The following ADGRB3 variants were observed in gnomAD, a reference collection of about 807,000 sequenced individuals.
The protein encoded by ADGRB3 is brain-specific angiogenesis inhibitor 3.
ADGRB3 carries 37 observed loss-of-function variants against 193.4 expected under a neutral mutation model. That is an observed-to-expected ratio of 0.19 (90% confidence interval 0.15 to 0.25). ADGRB3 has a LOEUF of 0.25. Ranked by LOEUF, ADGRB3 falls within the 10% of genes least tolerant of loss-of-function variation. The pLI, the probability that ADGRB3 is intolerant of heterozygous loss-of-function variation, is 1.00. For synonymous variants in ADGRB3, 690 were observed against 644.2 expected, an observed-to-expected ratio of 1.07 and a Z score of -1.08; for missense variants, 1,637 against 1,852.9, an observed-to-expected ratio of 0.88 and a Z score of 2.14.
At chr6:68,700,611 A>C (rs1561998709) in intron 3 of ADGRB3, among the ~76,000 whole-genome samples, 1 of 151,868 alleles carries the variant, frequency 6.6e-6, no homozygotes, top group Admixed American at 6.6e-5. Flanking sequence ...ACAAATAGAA[A>C]CCCCTTTACA....
At chr6:69,121,872 C>G (rs944883608) in intron 17 of ADGRB3, among the ~76,000 whole-genome samples, 1 of 151,262 alleles carries the variant, frequency 6.6e-6, no homozygotes, top group Non-Finnish European at 1.5e-5. Flanking sequence ...GGCGGCCAGG[C>G]AGAGGCGCTC....
At chr6:68,936,842 A>T (rs574778268) in intron 5 of ADGRB3, among the ~76,000 whole-genome samples, 162 bp downstream of exon 5, 1 of 152,320 alleles carries the variant, frequency 6.6e-6, no homozygotes, top group African/African-American at 2.4e-5. Flanking sequence ...GTCTGTGATT[A>T]TTTCTGCTTT....
At position 69,128,491 on chromosome 6, in the gene ADGRB3, T is replaced by C. The variant is rs62406786; in HGVS notation, c.2480+52453T>C. Among the ~76,000 whole-genome samples the C allele has an allele frequency of 3.1e-3, 467 of 152,264 alleles. 3 individuals are homozygous for C. Among genetic ancestry groups the C allele is most frequent in the Middle Eastern group, 6.8e-3 (2 of 294 alleles). Reference sequence around the variant, plus strand: ...TTCTCTGCCTGTAATACATAGTAACTGTAATCATAGCCTTTCTACTGAGGT... The same window carrying C: ...TTCTCTGCCTGTAATACATAGTAACCGTAATCATAGCCTTTCTACTGAGGT... On this transcript the variant is annotated intron_variant, in intron 17 of 31. Transcript: ENST00000370598.
intron 3 of ADGRB3, among the ~76,000 whole-genome samples, chr6:68,719,738 T>C (rs1336941606): frequency 1.3e-5 from 2 of 151,704 alleles, no homozygotes; most frequent in African/African-American, 2.4e-5. Flanking sequence ...AAAAACCTTT[T>C]TTTTAGTGGT....
chr6:69,278,295 G>T lies in ADGRB3; in HGVS notation c.2814+39069G>T, dbSNP rs568522546. Among the ~76,000 whole-genome samples the T allele has an allele frequency of 5.6e-4, 85 of 152,280 alleles. 1 individual carries two copies. The highest frequency in any genetic ancestry group is 2.0e-3 in the African/African-American group (82 of 41,566). On this transcript the variant is annotated intron_variant, in intron 20 of 31. Transcript: ENST00000370598. ...GATCGTTGTTTTCATGAGAAAGCAA[G>T]AAACACTTTGCCATAACTTCATCCT...
intron 3 of ADGRB3, among the ~76,000 whole-genome samples, chr6:68,855,445 C>G (rs1764956005): frequency 6.9e-6 from 1 of 145,026 alleles, no homozygotes; most frequent in Non-Finnish European, 1.5e-5. Context: ...TTAATGTAAT[C>G]ATGTGTTGAC....
At chr6:68,857,013 G>C (rs1294047332) in intron 3 of ADGRB3, among the ~76,000 whole-genome samples, 1 of 152,184 alleles carries the variant, frequency 6.6e-6, no homozygotes, top group East Asian at 1.9e-4. Context: ...GAAGTCCAAG[G>C]TATTGGCAGC....
At chr6:69,355,885 C>A (rs1214188228) in intron 28 of ADGRB3, 25 bp downstream of exon 28, 1 of 1,562,018 alleles carries the variant, frequency 6.4e-7, no homozygotes, top group Admixed American at 1.7e-5. Context: ...ATTTTGAAAT[C>A]TAATCAGTAG....
chr6:68,822,246 G>C (rs1285121896), intron 3 of ADGRB3, among the ~76,000 whole-genome samples: 3 of 151,912 alleles, frequency 2.0e-5, no homozygotes, highest in Non-Finnish European at 4.4e-5. Flanking sequence ...AGCTTTTTAT[G>C]TAGGCAATCC....
chr6:69,087,441 G>A (rs1772582557), intron 17 of ADGRB3, among the ~76,000 whole-genome samples: 1 of 152,002 alleles, frequency 6.6e-6, no homozygotes. Flanking sequence ...TGAGGGAGGG[G>A]GACATCTAAG....
intron 17 of ADGRB3, among the ~76,000 whole-genome samples, chr6:69,110,665 G>T (rs1325011750): frequency 6.6e-6 from 1 of 152,090 alleles, no homozygotes; most frequent in African/African-American, 2.4e-5. Flanking sequence ...ATTAACAATA[G>T]TTTAAAAACT....
At chr6:69,081,913 C>T (rs1772397781) in intron 17 of ADGRB3, among the ~76,000 whole-genome samples, 1 of 152,084 alleles carries the variant, frequency 6.6e-6, no homozygotes, top group African/African-American at 2.4e-5. Flanking sequence ...CACAAATTCT[C>T]TGGTCTAACA....
intron 3 of ADGRB3, among the ~76,000 whole-genome samples, chr6:68,711,216 C>A (rs1238813290): frequency 6.6e-6 from 1 of 152,004 alleles, no homozygotes; most frequent in African/African-American, 2.4e-5. Flanking sequence ...CTACCAAGAG[C>A]GTGACCTGCT....
At chr6:69,103,905 A>G (rs2150322781) in intron 17 of ADGRB3, among the ~76,000 whole-genome samples, 1 of 152,146 alleles carries the variant, frequency 6.6e-6, no homozygotes, top group East Asian at 1.9e-4. Flanking sequence ...GATCCTTCCT[A>G]TCATTCAAGG....
chr6:68,678,710 G>T (rs1764820791), intron 3 of ADGRB3, among the ~76,000 whole-genome samples: 1 of 152,162 alleles, frequency 6.6e-6, no homozygotes. Flanking sequence ...TTGTGTGTGT[G>T]TGTGTGTGAA....
At chr6:68,716,108 A>G (rs906247498) in intron 3 of ADGRB3, among the ~76,000 whole-genome samples, 44 of 151,774 alleles carry the variant, frequency 2.9e-4, no homozygotes, top group Admixed American at 2.9e-3. Context: ...GGTTATACAA[A>G]TCATAATTGG....
At chr6:68,815,803 TA>T (rs1767622631) in intron 3 of ADGRB3, among the ~76,000 whole-genome samples, 1 of 152,298 alleles carries the variant, frequency 6.6e-6, no homozygotes, top group South Asian at 2.1e-4. Flanking sequence ...ATAATTTTAA[TA>T]TTTGCATTGC....
At chr6:69,258,878 A>T (rs1397853333) in intron 20 of ADGRB3, among the ~76,000 whole-genome samples, 1 of 152,162 alleles carries the variant, frequency 6.6e-6, no homozygotes, top group Non-Finnish European at 1.5e-5. Flanking sequence ...GGCGATTCTG[A>T]TAGACATCTC....
Position 68,638,696 on chromosome 6 carries a change from G to A in ADGRB3, c.21G>A (p.Leu7=), listed in dbSNP as rs189631172. The change falls in exon 3 of 32, where the codon CTG becomes CTA. Residue 7 remains leucine (L), a synonymous_variant. Transcript: ENST00000370598. MKAVRN[L]LIYIFSTYLL... ...ATAGGATGAAGGCTGTTCGTAACCT[G>A]CTGATTTATATATTTTCCACCTATC... 6.2e-7 allele frequency: 1 copy of A among 1,613,746 alleles called. No homozygotes were observed. The highest frequency in any genetic ancestry group is 1.7e-5 in the Admixed American group (1 of 59,964).
Sources: gnomAD v4.1 joint callset for allele counts (sites outside exome capture counted in the v4.1 genomes callset) on GRCh38, gnomAD v4.1.1 for gene constraint, MANE v1.5 for transcripts, NCBI Gene and HGNC (gene_info 2026-07-23, HGNC 2026-07-21) for gene names.